Variants in PACRGL observed in about 807,000 individuals in gnomAD.
The protein encoded by PACRGL is PACRG-like protein.
PACRGL carries 38 observed loss-of-function variants against 34.5 expected under a neutral mutation model. The observed-to-expected ratio is 1.10, with a 90% CI of 0.85 to 1.44. PACRGL has a LOEUF of 1.44. Among genes scored for constraint, PACRGL ranks in the 40% most tolerant of loss-of-function variants. The pLI, the probability that PACRGL is intolerant of heterozygous loss-of-function variation, is 0.00. For synonymous variants in PACRGL, 128 were observed against 100.1 expected, an observed-to-expected ratio of 1.28 and a Z score of -1.66; for missense variants, 305 against 281.4, an observed-to-expected ratio of 1.08 and a Z score of -0.60.
chr4:20,708,777 TC>T (rs1387656138), intron 4 of PACRGL, among the ~76,000 whole-genome samples: 2 of 152,178 alleles, frequency 1.3e-5, no homozygotes, highest in African/African-American at 4.8e-5. Context: ...TGATGATAGT[TC>T]CTTGAGTGTA....
chr4:20,716,640 G>A (rs1399885636), intron 7 of PACRGL, among the ~76,000 whole-genome samples: 4 of 152,020 alleles, frequency 2.6e-5, no homozygotes, highest in African/African-American at 7.2e-5. Flanking sequence ...AGCTTCATCC[G>A]TGTCCCTACA....
chr4:20,738,437 A>G (rs965344071), intron 8 of PACRGL, among the ~76,000 whole-genome samples: 2 of 152,194 alleles, frequency 1.3e-5, no homozygotes, highest in Non-Finnish European at 2.9e-5. Flanking sequence ...ATTATGATTC[A>G]TTAGGTTGAA....
chr4:20,720,360 G>A (rs1742425527), intron 7 of PACRGL, among the ~76,000 whole-genome samples: 1 of 152,136 alleles, frequency 6.6e-6, no homozygotes, highest in Non-Finnish European at 1.5e-5. Flanking sequence ...GTGTGAATCT[G>A]ATCCTGTCAT....
rs1746241147 is a variant in PACRGL, at chr4:20,727,436, C to A, written c.*95C>A. The A allele has an allele frequency of 2.0e-6, 2 of 1,025,538 alleles. No individual in the cohort carries two copies. Among genetic ancestry groups the A allele is most frequent in the Non-Finnish European group, 3.0e-6 (2 of 671,302 alleles). 63.5% of individuals were successfully genotyped at this position (1,025,538 alleles called of 1,614,324 possible). On this transcript the variant is annotated 3_prime_UTR_variant, in exon 9 of 9. Coordinates refer to ENST00000503585, the MANE Select transcript of PACRGL (RefSeq NM_001258345.3). ...TATTTTATTCTTTTGTAAATCACAG[C>A]CACCATTCATTATTTACTAGGTTAA...
intron 8 of PACRGL, among the ~76,000 whole-genome samples, chr4:20,745,672 G>A (rs1752267496): frequency 6.6e-6 from 1 of 152,102 alleles, no homozygotes; most frequent in Admixed American, 6.6e-5. Context: ...TATTATCAAG[G>A]CAAAAGGAGA....
rs1270874947 is a variant in PACRGL at position 20,730,333 on chromosome 4, T to C, written c.*2992T>C. Among the ~76,000 whole-genome samples, 1 of 152,024 alleles carries C rather than the reference T, an allele frequency of 6.6e-6. No individual in the cohort carries two copies. Among genetic ancestry groups the C allele is most frequent in the Non-Finnish European group, 1.5e-5 (1 of 67,918 alleles). ...GACTATGAAGGACCCATTTTATATT[T>C]TGTGGAGTCTATTGACCAGGCATTA... On this transcript the variant is annotated 3_prime_UTR_variant, in exon 9 of 9. Transcript: ENST00000503585.
chr4:20,738,997 A>G (rs1397358838), intron 8 of PACRGL, among the ~76,000 whole-genome samples: 2 of 152,168 alleles, frequency 1.3e-5, no homozygotes, highest in South Asian at 2.1e-4. Context: ...CTGCTATCAC[A>G]GAAGTCCGAG....
chr4:20,701,283 C>T (rs1732054909), intron 1 of PACRGL, among the ~76,000 whole-genome samples: 2 of 152,194 alleles, frequency 1.3e-5, no homozygotes, highest in South Asian at 4.1e-4. Context: ...ACCATTGACA[C>T]AGATACCGGC....
At chr4:20,742,270 A>G (rs1347911374) in intron 8 of PACRGL, among the ~76,000 whole-genome samples, 2 of 152,130 alleles carry the variant, frequency 1.3e-5, no homozygotes, top group Non-Finnish European at 2.9e-5. Context: ...ACAACAAAAA[A>G]GAATTTTAGA....
downstream of PACRGL, among the ~76,000 whole-genome samples, chr4:20,755,269 G>A (rs1400146520): frequency 6.6e-6 from 1 of 152,124 alleles, no homozygotes; most frequent in African/African-American, 2.4e-5. Context: ...GTTTTGACAT[G>A]TTAGGCACAA....
chr4:20,705,513 A>G (rs1424706164), intron 3 of PACRGL, among the ~76,000 whole-genome samples: 1 of 152,156 alleles, frequency 6.6e-6, no homozygotes, highest in Non-Finnish European at 1.5e-5. Context: ...CCGACTGGAT[A>G]AAAGCAAAGT....
At chr4:20,725,155 C>T (rs6447974) in intron 8 of PACRGL, among the ~76,000 whole-genome samples, 49,244 of 151,852 alleles carry the variant, frequency 0.32, 8,428 homozygotes, top group African/African-American at 0.43. Flanking sequence ...CTCAGTGTGG[C>T]GCAGTGGTAC....
downstream of PACRGL, chr4:20,734,785 A>T: frequency 9.4e-7 from 1 of 1,063,750 alleles, no homozygotes. Context: ...AAAAAAACAA[A>T]AACAAAAAAA....
At chr4:20,764,395 AC>A in the PACRGL span, among the ~76,000 whole-genome samples, 1 of 152,238 alleles carries the variant, frequency 6.6e-6, no homozygotes, top group African/African-American at 2.4e-5. Context: ...CATTGAACTT[AC>A]CATACTGTTG....
chr4:20,752,460 A>G (rs1753829628), intron 8 of PACRGL: 1 of 152,200 alleles, frequency 6.6e-6, no homozygotes, highest in Non-Finnish European at 1.5e-5. Context: ...AGCTATTATT[A>G]TTTCCTAGGC....
chr4:20,718,444 T>C (rs1185793710), intron 7 of PACRGL, among the ~76,000 whole-genome samples: 1 of 152,182 alleles, frequency 6.6e-6, no homozygotes, highest in Admixed American at 6.5e-5. Flanking sequence ...TTCTACCCAT[T>C]CAGTATGATA....
chr4:20,717,247 G>T (rs1444824198), intron 7 of PACRGL, among the ~76,000 whole-genome samples: 1 of 152,130 alleles, frequency 6.6e-6, no homozygotes, highest in African/African-American at 2.4e-5. Flanking sequence ...TTTGTCAGAT[G>T]AGTAGATTGC....
rs150745546 is a variant in PACRGL, at chr4:20,713,483, C to T, written c.553C>T (p.Leu185=). 6 of 1,613,728 alleles carry T rather than the reference C, an allele frequency of 3.7e-6. No individual in the cohort carries two copies. The highest frequency in any genetic ancestry group is 5.1e-6 in the Non-Finnish European group (6 of 1,179,786). ...AAGAGGATTGAATGCTCTAGTTCAGCTAAGTGTCGTTGTTGGTCCTTCTCT... is the reference window on the plus strand; with the variant it reads ...AAGAGGATTGAATGCTCTAGTTCAGTTAAGTGTCGTTGTTGGTCCTTCTCT... ...FERGLNALVQ[L]SVVVGPSLND... Residue 185 remains leucine (L), a synonymous_variant, in exon 7 of 9, where the codon CTA becomes TTA. Coordinates refer to ENST00000503585, the MANE Select transcript of PACRGL (RefSeq NM_001258345.3).
At chr4:20,750,839 TTC>T (rs1414703087) in intron 8 of PACRGL, among the ~76,000 whole-genome samples, 1 of 152,224 alleles carries the variant, frequency 6.6e-6, no homozygotes, top group Non-Finnish European at 1.5e-5. Flanking sequence ...GCCTTTTATC[TTC>T]TGTTTTAAAT....
Sources: gnomAD v4.1 joint callset for allele counts (sites outside exome capture counted in the v4.1 genomes callset) on GRCh38, gnomAD v4.1.1 for gene constraint, MANE v1.5 for transcripts, NCBI Gene and HGNC (gene_info 2026-07-23, HGNC 2026-07-21) for gene names.